Variants in DDAH1 observed in about 807,000 individuals in gnomAD.
The protein encoded by DDAH1 is N(G),N(G)-dimethylarginine dimethylaminohydrolase 1.
DDAH1 carries 19 observed loss-of-function variants against 28.8 expected under a neutral mutation model. The observed-to-expected ratio is 0.66, with a 90% CI of 0.46 to 0.97. The LOEUF is 0.97. Ranked by LOEUF, DDAH1 falls within the 50% of genes least tolerant of loss-of-function variation. DDAH1 has a pLI of 0.00. For missense variants in DDAH1, 326 were observed against 375.9 expected, an observed-to-expected ratio of 0.87 and a Z score of 1.10; for synonymous variants, 153 against 154.4, an observed-to-expected ratio of 0.99 and a Z score of 0.07.
intron 1 of DDAH1, among the ~76,000 whole-genome samples, chr1:85,444,799 G>A (rs759673725): frequency 3.9e-5 from 6 of 152,158 alleles, no homozygotes; most frequent in African/African-American, 9.7e-5. Flanking sequence ...AATATGGAGC[G>A]CTATGTGCTG....
chr1:85,543,126 C>T (rs1010814773), intron 1 of DDAH1, among the ~76,000 whole-genome samples: 1 of 151,992 alleles, frequency 6.6e-6, no homozygotes, highest in African/African-American at 2.4e-5. Flanking sequence ...TTATGTATCC[C>T]CAGGTTATGT....
intron 1 of DDAH1, among the ~76,000 whole-genome samples, chr1:85,414,326 C>T (rs1021898359): frequency 6.6e-6 from 1 of 152,136 alleles, no homozygotes; most frequent in African/African-American, 2.4e-5. Context: ...TGGATCCCAT[C>T]CTCACACAAT....
At chr1:85,564,861 CAAA>C (rs201212308) in intron 1 of DDAH1, among the ~76,000 whole-genome samples, 3 of 127,816 alleles carry the variant, frequency 2.3e-5, no homozygotes, top group Admixed American at 8.0e-5. Context: ...AAGACTATGT[CAAA>C]AAAAAAAAAA....
rs1455114573 is a variant in DDAH1, at chr1:85,404,307, C to A, written c.304-45460G>T. 9 of 1,438,916 alleles carry A rather than the reference C, an allele frequency of 6.3e-6. No individual in the cohort carries two copies. The East Asian group carries it at 2.0e-4, about 32-fold the overall frequency. 89.1% of individuals were successfully genotyped at this position (1,438,916 alleles called of 1,614,324 possible). A position where few individuals can be genotyped will look rare whatever the true frequency, so the allele number is the denominator to read the frequency against. ...TGACCCATTATACATGAAACTTCTGCCTGTAGGATTGCAGTTGACAAAGCC... is the reference window on the plus strand; with the variant it reads ...TGACCCATTATACATGAAACTTCTGACTGTAGGATTGCAGTTGACAAAGCC... On this transcript the variant is annotated intron_variant, in intron 1 of 5. Coordinates refer to ENST00000284031, the MANE Select transcript of DDAH1 (RefSeq NM_012137.4).
chr1:85,438,704 G>A (rs753025890), intron 1 of DDAH1, among the ~76,000 whole-genome samples: 8 of 152,168 alleles, frequency 5.3e-5, no homozygotes, highest in Non-Finnish European at 8.8e-5. Context: ...AACCCACTAC[G>A]TTTTGGAATA....
At chr1:85,405,742 G>A (rs1195443905) in intron 1 of DDAH1, among the ~76,000 whole-genome samples, 1 of 152,192 alleles carries the variant, frequency 6.6e-6, no homozygotes, top group African/African-American at 2.4e-5. Flanking sequence ...GAGAGCCTCA[G>A]AGAGGGGAGA....
chr1:85,409,800 T>TA (rs1482759279), intron 1 of DDAH1, among the ~76,000 whole-genome samples: 1 of 152,174 alleles, frequency 6.6e-6, no homozygotes, highest in Non-Finnish European at 1.5e-5. Context: ...ACATATTAGT[T>TA]AAAAATCAAT....
chr1:85,462,433 G>A (rs1655162834), intron 1 of DDAH1, among the ~76,000 whole-genome samples: 1 of 152,104 alleles, frequency 6.6e-6, no homozygotes, highest in African/African-American at 2.4e-5. Context: ...GGAATGGAAT[G>A]GAAAATTGAC....
intron 1 of DDAH1, among the ~76,000 whole-genome samples, chr1:85,363,906 C>CTT (rs71819142): frequency 0.29 from 37,645 of 130,260 alleles, 5,994 homozygotes; most frequent in South Asian, 0.39. Context: ...TGGATGTCAA[C>CTT]TTTTTTTTTT....
chr1:85,430,327 T>TA (rs1653615623), intron 1 of DDAH1, among the ~76,000 whole-genome samples: 1 of 152,178 alleles, frequency 6.6e-6, no homozygotes, highest in African/African-American at 2.4e-5. Context: ...TGAAGTCAGG[T>TA]AGTGTGATGC....
intron 1 of DDAH1, among the ~76,000 whole-genome samples, chr1:85,442,529 T>C (rs1654246035): frequency 6.6e-6 from 1 of 152,240 alleles, no homozygotes; most frequent in African/African-American, 2.4e-5. Context: ...TTTATAATCC[T>C]TTGGGTATAT....
At chr1:85,371,121 A>G (rs922326827) in intron 1 of DDAH1, among the ~76,000 whole-genome samples, 4 of 152,168 alleles carry the variant, frequency 2.6e-5, no homozygotes, top group African/African-American at 9.7e-5. Context: ...GTTTGCAGCA[A>G]TGGATGCAAA....
Position 85,325,479 on chromosome 1 carries a change from A to C in DDAH1, c.598-596T>G, listed in dbSNP as rs233123. Among the ~76,000 whole-genome samples, 1,463 of 152,230 alleles carry C rather than the reference A, an allele frequency of 9.6e-3. 27 individuals carry two copies. The highest frequency in any genetic ancestry group is 0.034 in the African/African-American group (1,400 of 41,530). On this transcript the variant is annotated intron_variant, in intron 4 of 5. Transcript: ENST00000284031. Reference sequence around the variant, plus strand: ...AAAAGCCACCTGGGGAGAATAAGAAAATCATATTCCCAGGCCTCACCCTTA... The same window carrying C: ...AAAAGCCACCTGGGGAGAATAAGAACATCATATTCCCAGGCCTCACCCTTA...
chr1:85,560,958 G>A (rs1175389836), intron 1 of DDAH1, among the ~76,000 whole-genome samples: 1 of 151,940 alleles, frequency 6.6e-6, no homozygotes, highest in East Asian at 1.9e-4. Flanking sequence ...TTTTAAAAAT[G>A]TATGTTCTTT....
intron 1 of DDAH1, among the ~76,000 whole-genome samples, chr1:85,361,822 G>T (rs867964803): frequency 6.6e-6 from 1 of 152,186 alleles, no homozygotes; most frequent in South Asian, 2.1e-4. Context: ...GTGTCCTCAG[G>T]TTATTTAGTA....
At chr1:85,436,596 C>T (rs1315552476) in intron 1 of DDAH1, among the ~76,000 whole-genome samples, 1 of 152,226 alleles carries the variant, frequency 6.6e-6, no homozygotes, top group Admixed American at 6.5e-5. Flanking sequence ...GCTGATGCTG[C>T]AGAAGCTCTG....
chr1:85,535,144 A>G (rs1658230740), intron 1 of DDAH1, among the ~76,000 whole-genome samples: 1 of 152,242 alleles, frequency 6.6e-6, no homozygotes, highest in African/African-American at 2.4e-5. Flanking sequence ...CGTAATTCAA[A>G]TCCTTGGTTT....
intron 1 of DDAH1, among the ~76,000 whole-genome samples, chr1:85,452,313 T>C (rs1654698399): frequency 1.3e-5 from 2 of 152,160 alleles, no homozygotes; most frequent in South Asian, 2.1e-4. Context: ...TTAAAACCTG[T>C]TGACAACAAC....
At chr1:85,379,588 G>A (rs2100905051) in intron 1 of DDAH1, 1 of 985,084 alleles carries the variant, frequency 1.0e-6, no homozygotes, top group Non-Finnish European at 1.2e-6. Flanking sequence ...TACATAACTT[G>A]TGAAAGAGTC....
Sources: gnomAD v4.1 joint callset for allele counts (sites outside exome capture counted in the v4.1 genomes callset) on GRCh38, gnomAD v4.1.1 for gene constraint, MANE v1.5 for transcripts, NCBI Gene and HGNC (gene_info 2026-07-23, HGNC 2026-07-21) for gene names.